The following ZNF292 variants were observed in gnomAD, a reference collection of about 807,000 sequenced individuals.
ZNF292 encodes the protein zinc finger protein 292.
A neutral mutation model predicts 217.9 loss-of-function variants in ZNF292; 26 were observed. That is an observed-to-expected ratio of 0.12 (90% CI 0.09 to 0.17). The LOEUF (loss-of-function observed/expected upper bound fraction) is 0.17. ZNF292 is among the 10% of genes least tolerant of loss of function. ZNF292 has a pLI of 1.00. For missense variants in ZNF292, 2,904 were observed against 3,175.2 expected (o/e 0.91, Z 2.05); for synonymous variants, 1,257 against 1,124.1 (o/e 1.12, Z -2.37).
chr6:87,209,477 C>A (rs1772392268), intron 1 of ZNF292, among the ~76,000 whole-genome samples: 2 of 152,150 alleles, frequency 1.3e-5, no homozygotes, highest in Non-Finnish European at 2.9e-5. Flanking sequence ...GAGTATTTCA[C>A]ATTCATCAAA....
Position 87,257,374 on chromosome 6 carries a change from A to G in ZNF292, c.3745A>G (p.Thr1249Ala). The change falls in exon 8 of 8, where the codon ACA becomes GCA. Residue 1249 changes from threonine to alanine, a missense_variant. This residue lies in a region of ZNF292 where 687 missense variants were observed against 623.0 expected (regional missense o/e 1.10). Coordinates refer to ENST00000369577, the MANE Select transcript of ZNF292 (RefSeq NM_015021.3). The part of the protein sequence containing the change: ...LPAQMEDLTK[T>A]VLPLNIDSGS... The stretch of plus-strand genomic sequence containing the variant: ...AGCACAAATGGAAGATCTAACCAAA[A>G]CAGTTCTGCCTTTGAATATTGACAG... 6.2e-7 allele frequency: 1 copy of G among 1,613,688 alleles called. No individual in the cohort carries two copies. The highest frequency in any genetic ancestry group is 8.5e-7 in the Non-Finnish European group (1 of 1,179,774).
Position 87,155,631 on chromosome 6 carries a change from G to A in ZNF292, c.40G>A (p.Gly14Ser), listed in dbSNP as rs749712579. Residue 14 changes from glycine to serine, a missense_variant, in exon 1 of 8, where the codon GGC becomes AGC. This residue lies in a region of ZNF292 where 66 missense variants were observed against 44.1 expected (regional missense o/e 1.50). Transcript: ENST00000369577. The part of the protein sequence containing the change: ...EEAEQERLSC[G>S]EGGCVAELQR... Reference sequence around the variant, plus strand: ...GGCCGAGCAGGAGAGGTTGAGTTGCGGCGAAGGCGGCTGCGTCGCGGAGCT... The same window carrying A: ...GGCCGAGCAGGAGAGGTTGAGTTGCAGCGAAGGCGGCTGCGTCGCGGAGCT... 62 of 1,582,156 alleles carry A rather than the reference G, an allele frequency of 3.9e-5. No individual in the cohort carries two copies. The East Asian group carries it at 1.4e-3, about 36-fold the overall frequency.
chr6:87,196,111 A>G (rs1003659176), intron 1 of ZNF292, among the ~76,000 whole-genome samples: 1 of 152,156 alleles, frequency 6.6e-6, no homozygotes, highest in Non-Finnish European at 1.5e-5. Context: ...ACTTTCAATG[A>G]TGCTTGCCTT....
intron 1 of ZNF292, among the ~76,000 whole-genome samples, chr6:87,184,214 G>A (rs1227727384): frequency 1.3e-5 from 2 of 152,192 alleles, no homozygotes; most frequent in Non-Finnish European, 2.9e-5. Flanking sequence ...GTGTGAAGGG[G>A]CAGAAGTAAT....
At chr6:87,206,959 A>G (rs1772275676) in intron 1 of ZNF292, among the ~76,000 whole-genome samples, 1 of 152,224 alleles carries the variant, frequency 6.6e-6, no homozygotes, top group Non-Finnish European at 1.5e-5. Context: ...GGGTGTCGAA[A>G]GGGATGTAGT....
chr6:87,234,046 T>A (rs1773780499), intron 5 of ZNF292, among the ~76,000 whole-genome samples: 1 of 152,224 alleles, frequency 6.6e-6, no homozygotes, highest in East Asian at 1.9e-4. Context: ...TGAGACATTG[T>A]CTTTTCACTT....
rs1242282154 is a variant in ZNF292 at position 87,265,628 on chromosome 6, T to A, written c.*3827T>A. Among the ~76,000 whole-genome samples, 3 of 152,148 alleles carry A rather than the reference T, an allele frequency of 2.0e-5. No homozygotes were observed. Among genetic ancestry groups the A allele is most frequent in the Non-Finnish European group, 4.4e-5 (3 of 68,018 alleles). On this transcript the variant is annotated 3_prime_UTR_variant, in exon 8 of 8. Transcript: ENST00000369577. Reference sequence around the variant, plus strand: ...CAGACTTAATTGACCCTGAGAACATTTTTCTTCTTTTAATGTTAATACTTA... The same window carrying A: ...CAGACTTAATTGACCCTGAGAACATATTTCTTCTTTTAATGTTAATACTTA...
intron 4 of ZNF292, among the ~76,000 whole-genome samples, chr6:87,231,849 G>T (rs958542824): frequency 7.2e-5 from 11 of 152,068 alleles, no homozygotes; most frequent in Admixed American, 7.2e-4. Flanking sequence ...GTTTCCTTTG[G>T]AGAAAATTGT....
intron 1 of ZNF292, among the ~76,000 whole-genome samples, chr6:87,182,798 G>A (rs1470708430): frequency 6.6e-6 from 1 of 152,148 alleles, no homozygotes; most frequent in Non-Finnish European, 1.5e-5. Flanking sequence ...CCTGCATTTT[G>A]TATTAAGTAA....
intron 1 of ZNF292, among the ~76,000 whole-genome samples, chr6:87,181,030 C>G (rs1771455151): frequency 1.3e-5 from 2 of 152,204 alleles, no homozygotes; most frequent in Admixed American, 6.5e-5. Flanking sequence ...GCTCTTGGCC[C>G]CATGGTAATG....
chr6:87,228,768 T>C (rs542777841), intron 4 of ZNF292, among the ~76,000 whole-genome samples: 1 of 152,342 alleles, frequency 6.6e-6, no homozygotes, highest in African/African-American at 2.4e-5. Context: ...TGGACTCTTT[T>C]CTATTGCATT....
At chr6:87,202,088 A>G (rs2147920) in intron 1 of ZNF292, among the ~76,000 whole-genome samples, 95,344 of 152,128 alleles carry the variant, frequency 0.63, 31,376 homozygotes, top group African/African-American at 0.83. Context: ...AACATGTCAA[A>G]TTCTGTAAAT....
At chr6:87,192,295 G>A (rs909445224) in intron 1 of ZNF292, among the ~76,000 whole-genome samples, 1 of 151,776 alleles carries the variant, frequency 6.6e-6, no homozygotes, top group African/African-American at 2.4e-5. Flanking sequence ...TCTTTCTAGA[G>A]CTACTGGAAC....
At chr6:87,170,395 T>C (rs1292059376) in intron 1 of ZNF292, 1 of 152,224 alleles carries the variant, frequency 6.6e-6, no homozygotes, top group Non-Finnish European at 1.5e-5. Context: ...CATGAAGATA[T>C]TTTGTAGAAA....
chr6:87,208,407 A>G (rs992264183), intron 1 of ZNF292, among the ~76,000 whole-genome samples: 2 of 151,996 alleles, frequency 1.3e-5, no homozygotes, highest in Admixed American at 6.6e-5. Context: ...CTCTAGCATT[A>G]TTCTTTAAAT....
intron 5 of ZNF292, among the ~76,000 whole-genome samples, chr6:87,235,537 CTG>C (rs1220657606): frequency 1.3e-5 from 2 of 151,564 alleles, no homozygotes; most frequent in East Asian, 1.9e-4. Flanking sequence ...AAGTTGAAGA[CTG>C]TGAATCTGTG....
At chr6:87,250,091 TTTAAA>T (rs1774839728) in intron 7 of ZNF292, among the ~76,000 whole-genome samples, 1 of 150,708 alleles carries the variant, frequency 6.6e-6, no homozygotes, top group African/African-American at 2.5e-5. Context: ...CATATGTTAA[TTTAAA>T]ATACAGTTGG....
intron 1 of ZNF292, among the ~76,000 whole-genome samples, chr6:87,176,856 T>A (rs1483219919): frequency 1.3e-5 from 2 of 152,190 alleles, no homozygotes; most frequent in Non-Finnish European, 2.9e-5. Context: ...GGCTTCCATT[T>A]TCAGTCACCT....
intron 1 of ZNF292, among the ~76,000 whole-genome samples, chr6:87,215,334 A>G (rs1772695241): frequency 6.6e-6 from 1 of 152,144 alleles, no homozygotes; most frequent in African/African-American, 2.4e-5. Context: ...CCTTATAATA[A>G]TTCTTTAATA....
Sources: allele counts gnomAD v4.1 joint callset (sites outside exome capture counted in the v4.1 genomes callset), GRCh38; gene constraint gnomAD v4.1.1; regional missense constraint gnomAD v4.1.1; transcripts MANE v1.5; gene names NCBI Gene and HGNC (gene_info 2026-07-23, HGNC 2026-07-21).